The following WDR49 variants were observed in gnomAD, a reference collection of about 807,000 sequenced individuals.
WDR49 encodes cilia- and flagella-associated protein 337.
WDR49 carries 107 observed loss-of-function variants against 119.5 expected under a neutral mutation model. The observed-to-expected ratio is 0.90, with a 90% CI of 0.77 to 1.05. WDR49 has a LOEUF of 1.05. WDR49 is among the 50% of genes least tolerant of loss of function. WDR49 has a pLI of 0.00. For missense variants in WDR49, 1,240 were observed against 1,220.5 expected (o/e 1.02, Z -0.24); for synonymous variants, 425 against 418.8 (o/e 1.01, Z -0.18).
At chr3:167,605,966 G>T (rs1426451551) in intron 5 of WDR49, among the ~76,000 whole-genome samples, 2 of 152,152 alleles carry the variant, frequency 1.3e-5, no homozygotes, top group Non-Finnish European at 2.9e-5. Context: ...TACAAATTCA[G>T]AATACAGGGC....
At chr3:167,595,842 T>C (rs1206106439) in intron 7 of WDR49, among the ~76,000 whole-genome samples, 1 of 151,528 alleles carries the variant, frequency 6.6e-6, no homozygotes, top group East Asian at 1.9e-4. Flanking sequence ...CCAAAAGCAA[T>C]GGCAACAAAA....
intron 2 of WDR49, among the ~76,000 whole-genome samples, chr3:167,648,331 T>A (rs1373326685): frequency 6.6e-6 from 1 of 152,110 alleles, no homozygotes; most frequent in Non-Finnish European, 1.5e-5. Flanking sequence ...TTTAGTTCAG[T>A]TACAACAGAA....
intron 10 of WDR49, among the ~76,000 whole-genome samples, chr3:167,550,865 T>C (rs768228192): frequency 6.6e-6 from 1 of 151,674 alleles, no homozygotes; most frequent in Admixed American, 6.6e-5. Context: ...TTAATTTATT[T>C]AATTTTACTA....
intron 17 of WDR49, among the ~76,000 whole-genome samples, chr3:167,502,409 G>T (rs545344783): frequency 6.6e-6 from 1 of 152,192 alleles, no homozygotes; most frequent in Non-Finnish European, 1.5e-5. Context: ...ACCTGAAAAC[G>T]TGCAAGTGGC....
intron 18 of WDR49, among the ~76,000 whole-genome samples, chr3:167,494,295 A>G (rs74387214): frequency 0.098 from 14,902 of 152,234 alleles, 1,003 homozygotes; most frequent in Middle Eastern, 0.23. Flanking sequence ...CATTACTATA[A>G]TATTGCTGCC....
chr3:167,489,517 G>T (rs1432866559), intron 18 of WDR49, among the ~76,000 whole-genome samples: 6 of 152,066 alleles, frequency 3.9e-5, no homozygotes, highest in African/African-American at 1.2e-4. Context: ...TCACTTTATA[G>T]TTGGCTGCCT....
chr3:167,493,782 T>C (rs1751241754), intron 18 of WDR49, among the ~76,000 whole-genome samples: 1 of 152,206 alleles, frequency 6.6e-6, no homozygotes, highest in African/African-American at 2.4e-5. Flanking sequence ...TTCCTTTCTA[T>C]GATGGCTAGT....
intron 7 of WDR49, 91 bp downstream of exon 7, chr3:167,602,036 C>A: frequency 1.4e-6 from 2 of 1,417,488 alleles, no homozygotes; most frequent in Non-Finnish European, 9.5e-7. Flanking sequence ...AAAACTGACA[C>A]GATCTCTCAG....
At chr3:167,603,323 A>G (rs1715871405) in intron 6 of WDR49, among the ~76,000 whole-genome samples, 2 of 152,166 alleles carry the variant, frequency 1.3e-5, no homozygotes, top group Admixed American at 6.6e-5. Context: ...GAAATGATTA[A>G]CCAATCAATA....
chr3:167,609,238 G>T (rs1716215881), intron 5 of WDR49, among the ~76,000 whole-genome samples: 1 of 152,018 alleles, frequency 6.6e-6, no homozygotes, highest in Non-Finnish European at 1.5e-5. Context: ...AAAATTAGAT[G>T]AGCCCTCATT....
At chr3:167,516,759 T>C (rs999608628) in intron 16 of WDR49, among the ~76,000 whole-genome samples, 4 of 152,094 alleles carry the variant, frequency 2.6e-5, no homozygotes, top group African/African-American at 9.7e-5. Context: ...CAAAAGAAAC[T>C]ACCATCAGAG....
chr3:167,620,694 ATTAAC>A lies in WDR49; in HGVS notation c.784-96_784-92del, dbSNP rs146406127. 7.0e-4 allele frequency: 845 copies of A among 1,211,366 alleles called. 7 individuals are homozygous for A. In the African/African-American group the frequency reaches 0.011, roughly 15 times the overall value. The allele number at this position is 1,211,366 out of a possible 1,614,324, so 75.0% of individuals were successfully genotyped here. Reference sequence around the variant, plus strand: ...TATTTTAGTTTAATAAGGAATAGCTATTAACTTAATAAGAATTTCTTCAATATTAT... The same window carrying A: ...TATTTTAGTTTAATAAGGAATAGCTATTAATAAGAATTTCTTCAATATTAT... On this transcript the variant is annotated intron_variant, in intron 4 of 18. Transcript: ENST00000682715.
At chr3:167,651,746 C>T (rs1197296555) in intron 2 of WDR49, among the ~76,000 whole-genome samples, 4 of 152,010 alleles carry the variant, frequency 2.6e-5, no homozygotes, top group African/African-American at 9.7e-5. Flanking sequence ...AGTGGTCTGG[C>T]CTTTGAAATA....
chr3:167,589,946 A>G (rs1715021098), intron 7 of WDR49, among the ~76,000 whole-genome samples: 1 of 152,112 alleles, frequency 6.6e-6, no homozygotes, highest in Admixed American at 6.5e-5. Context: ...GACTTACAGT[A>G]CTATATTGAA....
chr3:167,587,153 C>T (rs903982627), intron 7 of WDR49, among the ~76,000 whole-genome samples: 12 of 151,894 alleles, frequency 7.9e-5, no homozygotes, highest in African/African-American at 2.2e-4. Context: ...TTGGGAAACA[C>T]AAAAATAAAT....
chr3:167,509,511 A>G (rs1335002351), intron 16 of WDR49, among the ~76,000 whole-genome samples: 1 of 152,248 alleles, frequency 6.6e-6, no homozygotes, highest in African/African-American at 2.4e-5. Flanking sequence ...TTTAGTTTAA[A>G]GCAATAAGAT....
chr3:167,612,391 A>G (rs1716381235), intron 5 of WDR49, among the ~76,000 whole-genome samples: 1 of 152,038 alleles, frequency 6.6e-6, no homozygotes, highest in African/African-American at 2.4e-5. Flanking sequence ...ACTACTTCAA[A>G]TGAACAATCC....
intron 2 of WDR49, among the ~76,000 whole-genome samples, chr3:167,642,250 C>A (rs1057227840): frequency 3.3e-5 from 5 of 151,832 alleles, no homozygotes; most frequent in African/African-American, 4.8e-5. Context: ...ATTTTAATAT[C>A]TATAAGCCCA....
In WDR49 at chr3:167,500,286, T is replaced by A; in HGVS notation, c.2898A>T (p.Ser966=). Reference sequence around the variant, plus strand: ...GCTCTTCCAGGGCTCCAATGTTTAATGACCTAAATGTACCTTCACAACAGC... The same window carrying A: ...GCTCTTCCAGGGCTCCAATGTTTAAAGACCTAAATGTACCTTCACAACAGC... ...VIKKSFSTFR[S]LNIGALEELP... is the part of the protein sequence containing the mutation. The change falls in exon 18 of 19, where the codon TCA becomes TCT. Residue 966 remains serine, a synonymous_variant. Transcript: ENST00000682715. The A allele has an allele frequency of 1.9e-6, 3 of 1,605,240 alleles. No individual in the cohort carries two copies. Among genetic ancestry groups the A allele is most frequent in the Non-Finnish European group, 2.5e-6 (3 of 1,177,082 alleles).
Sources: gnomAD v4.1 joint callset for allele counts (sites outside exome capture counted in the v4.1 genomes callset) on GRCh38, gnomAD v4.1.1 for gene constraint, MANE v1.5 for transcripts, NCBI Gene and HGNC (gene_info 2026-07-23, HGNC 2026-07-21) for gene names.